Variants in WBP1L observed in about 807,000 individuals in gnomAD.
WBP1L encodes the protein WW domain binding protein 1-like.
In WBP1L, 17 loss-of-function variants were observed where a neutral mutation model predicts 33.7. The ratio of observed to expected loss-of-function variants is 0.50; its 90% confidence interval spans 0.34 to 0.76. WBP1L has a LOEUF of 0.76. Among genes scored for constraint, WBP1L ranks in the 30% least tolerant of loss-of-function variants. The pLI is 0.01. For synonymous variants in WBP1L, 173 were observed against 190.8 expected (o/e 0.91, Z 0.77); for missense variants, 389 against 469.4 (o/e 0.83, Z 1.58).
chr10:102,745,671 C>T (rs1433277446), intron 1 of WBP1L, among the ~76,000 whole-genome samples: 1 of 152,212 alleles, frequency 6.6e-6, no homozygotes, highest in Admixed American at 6.5e-5. Flanking sequence ...ATTCTGTTAT[C>T]TGTAAACCAC....
chr10:102,758,607 C>G (rs1001134107), intron 1 of WBP1L, among the ~76,000 whole-genome samples: 1 of 152,138 alleles, frequency 6.6e-6, no homozygotes, highest in African/African-American at 2.4e-5. Flanking sequence ...CGGGTGTTCT[C>G]CCTGTGTGCG....
chr10:102,776,421 A>G (rs1843263784), intron 1 of WBP1L: 1 of 1,614,052 alleles, frequency 6.2e-7, no homozygotes, highest in Non-Finnish European at 8.5e-7. Context: ...TAGACAGGTA[A>G]TTGTTTCTGC....
intron 1 of WBP1L, among the ~76,000 whole-genome samples, chr10:102,784,569 G>T (rs948947164): frequency 2.0e-5 from 3 of 151,742 alleles, no homozygotes; most frequent in Non-Finnish European, 4.4e-5. Context: ...GGGACTACAG[G>T]CGCCCGCCAC....
intron 1 of WBP1L, among the ~76,000 whole-genome samples, chr10:102,773,156 T>C (rs549466): frequency 0.47 from 70,802 of 151,862 alleles, 17,592 homozygotes; most frequent in East Asian, 0.77. Flanking sequence ...GTTGTAGTAA[T>C]ATTTGTATAA....
At chr10:102,766,397 C>T (rs781080915) in intron 1 of WBP1L, among the ~76,000 whole-genome samples, 5 of 141,006 alleles carry the variant, frequency 3.5e-5, no homozygotes, top group Admixed American at 7.5e-5. Context: ...GCTGAGATCG[C>T]ACCATTGCAC....
chr10:102,746,211 A>G (rs1177487844), intron 1 of WBP1L: 2 of 976,604 alleles, frequency 2.0e-6, no homozygotes, highest in Non-Finnish European at 2.4e-6. Context: ...TTAATGTTAT[A>G]TTCTAATTGC....
rs1206098328 is a variant in WBP1L, at chr10:102,814,859, T to C, written c.*1528T>C. ...ATATTCAGACGAAGCATTGATGTTA[T>C]GGAAGAAAGAAAGAAACAAACAAAA... is the stretch of plus-strand genomic sequence containing the variant. On this transcript the variant is annotated 3_prime_UTR_variant, in exon 4 of 4. Coordinates refer to ENST00000448841, the MANE Select transcript of WBP1L (RefSeq NM_001083913.2). 1 of 152,524 alleles carries C rather than the reference T, an allele frequency of 6.6e-6. No individual in the cohort carries two copies. The highest frequency in any genetic ancestry group is 1.5e-5 in the Non-Finnish European group (1 of 68,028). The allele number at this position is 152,524 out of a possible 1,614,324, so 9.4% of individuals were successfully genotyped here.
chr10:102,744,180 T>G, intron 1 of WBP1L, 37 bp downstream of exon 1: 1 of 1,526,374 alleles, frequency 6.6e-7, no homozygotes, highest in Non-Finnish European at 8.8e-7. Flanking sequence ...TGTTGGGTCC[T>G]GGGGGTCGTC....
intron 1 of WBP1L, among the ~76,000 whole-genome samples, chr10:102,756,914 G>T (rs1842984083): frequency 2.0e-5 from 3 of 151,842 alleles, no homozygotes; most frequent in African/African-American, 7.2e-5. Context: ...TTGAGACAGA[G>T]TCTCGATCTG....
intron 1 of WBP1L, among the ~76,000 whole-genome samples, chr10:102,763,580 G>A (rs1564755993): frequency 6.6e-6 from 1 of 152,140 alleles, no homozygotes; most frequent in Non-Finnish European, 1.5e-5. Flanking sequence ...TTAGTTTAAA[G>A]GAAAGTCTCC....
chr10:102,804,960 GAAAACAAAAC>G (rs58622505), intron 2 of WBP1L, among the ~76,000 whole-genome samples: 22 of 151,798 alleles, frequency 1.4e-4, no homozygotes, highest in Non-Finnish European at 2.1e-4. Flanking sequence ...TTAAAACGGG[GAAAACAAAAC>G]AAAACAAAAC....
chr10:102,767,440 T>C (rs1843125021), intron 1 of WBP1L, among the ~76,000 whole-genome samples: 1 of 152,104 alleles, frequency 6.6e-6, no homozygotes, highest in Non-Finnish European at 1.5e-5. Flanking sequence ...GAGGCTCACT[T>C]GAACCCAGGA....
chr10:102,761,758 A>G (rs1205831002), intron 1 of WBP1L, among the ~76,000 whole-genome samples: 1 of 151,828 alleles, frequency 6.6e-6, no homozygotes. Flanking sequence ...CATGTTGGCC[A>G]GGCTTGTCTC....
chr10:102,809,858 G>A (rs1039203914), intron 2 of WBP1L, 35 bp from the exon 3 acceptor site: 1 of 1,588,438 alleles, frequency 6.3e-7, no homozygotes, highest in African/African-American at 1.3e-5. Context: ...GGTACTCACT[G>A]TGTGCCTCTC....
At chr10:102,785,439 G>A (rs142499897) in intron 1 of WBP1L, among the ~76,000 whole-genome samples, 1,650 of 129,538 alleles carry the variant, frequency 0.013, 29 homozygotes, top group African/African-American at 0.045. Flanking sequence ...CACCTAGCTC[G>A]GCCTCCCAAA....
At position 102,785,478 on chromosome 10, in the gene WBP1L, C is replaced by T. The variant is rs145969448; in HGVS notation, c.91-12515C>T. Among the ~76,000 whole-genome samples, 130 of 152,284 alleles carry T rather than the reference C, an allele frequency of 8.5e-4. 4 individuals carry two copies. The East Asian group carries it at 0.022, about 25-fold the overall frequency. Reference sequence around the variant, plus strand: ...CTGGGATTACAGGCGTGAGCCACTGCGCCCAGCCTCAGCCCACTTTTTAAA... The same window carrying T: ...CTGGGATTACAGGCGTGAGCCACTGTGCCCAGCCTCAGCCCACTTTTTAAA... On this transcript the variant is annotated intron_variant, in intron 1 of 3. Transcript: ENST00000448841.
At chr10:102,808,134 C>T (rs772430515) in intron 2 of WBP1L, among the ~76,000 whole-genome samples, 2 of 151,952 alleles carry the variant, frequency 1.3e-5, no homozygotes, top group African/African-American at 2.4e-5. Flanking sequence ...GAGCTGTGAT[C>T]GCACCACTGT....
intron 2 of WBP1L, among the ~76,000 whole-genome samples, chr10:102,806,634 T>C (rs1843740088): frequency 6.6e-6 from 1 of 152,238 alleles, no homozygotes; most frequent in Non-Finnish European, 1.5e-5. Context: ...GAATGGATTT[T>C]CCTGTCTGCT....
At position 102,766,441 on chromosome 10, in the gene WBP1L, CAAAAAAA is replaced by C. The variant is rs56812691; in HGVS notation, c.90+22313_90+22319del. On this transcript the variant is annotated intron_variant, in intron 1 of 3. Coordinates refer to ENST00000448841, the MANE Select transcript of WBP1L (RefSeq NM_001083913.2). Reference sequence around the variant, plus strand: ...GGGCAACAAGAGCGAAACTCTGTCTCAAAAAAAAAAAAAAAAAAAAAGGAAAAAAAAT... The same window carrying C: ...GGGCAACAAGAGCGAAACTCTGTCTCAAAAAAAAAAAAAAGGAAAAAAAAT... 7.5e-3 allele frequency among the ~76,000 whole-genome samples: 432 copies of C among 57,466 alleles called. 5 individuals are homozygous for C. Among genetic ancestry groups the C allele is most frequent in the African/African-American group, 0.03 (405 of 13,594 alleles). 37.7% of individuals were successfully genotyped at this position (57,466 alleles called of 152,430 possible).
Sources: gnomAD v4.1 joint callset for allele counts (sites outside exome capture counted in the v4.1 genomes callset) on GRCh38, gnomAD v4.1.1 for gene constraint, MANE v1.5 for transcripts, NCBI Gene and HGNC (gene_info 2026-07-23, HGNC 2026-07-21) for gene names.